Variants in ATP8B4 observed in about 807,000 individuals in gnomAD.
ATP8B4 encodes the protein probable phospholipid-transporting ATPase IM.
A neutral mutation model predicts 145.6 loss-of-function variants in ATP8B4; 133 were observed. That is an observed-to-expected ratio of 0.91 (90% CI 0.79 to 1.05). The LOEUF (loss-of-function observed/expected upper bound fraction) is 1.05, where lower values mean the gene tolerates loss of function less well. Among genes scored for constraint, ATP8B4 ranks in the 50% least tolerant of loss-of-function variants. The pLI is 0.00. For synonymous variants in ATP8B4, 507 were observed against 492.9 expected (o/e 1.03, Z -0.38); for missense variants, 1,458 against 1,425.2 (o/e 1.02, Z -0.37).
chr15:50,057,208 G>A (rs1235535806), intron 3 of ATP8B4, among the ~76,000 whole-genome samples: 2 of 152,112 alleles, frequency 1.3e-5, no homozygotes, highest in Non-Finnish European at 2.9e-5. Context: ...GTCATACAGT[G>A]ACACCAGATA....
intron 1 of ATP8B4, among the ~76,000 whole-genome samples, chr15:50,143,793 AC>A (rs2153680083): frequency 6.6e-6 from 1 of 152,326 alleles, no homozygotes; most frequent in African/African-American, 2.4e-5. Context: ...GATTAAAGGT[AC>A]CATGTTATAT....
At chr15:50,180,828 G>A (rs552785183) in intron 1 of ATP8B4, among the ~76,000 whole-genome samples, 6 of 152,248 alleles carry the variant, frequency 3.9e-5, no homozygotes, top group East Asian at 3.9e-4. Context: ...GGTTGCTTGC[G>A]CAGTTACTAG....
chr15:49,956,207 T>C (rs1462569538), intron 14 of ATP8B4, among the ~76,000 whole-genome samples: 5 of 152,146 alleles, frequency 3.3e-5, no homozygotes, highest in African/African-American at 1.2e-4. Flanking sequence ...GTTTGACAGA[T>C]GATTTGTCTT....
intron 16 of ATP8B4, among the ~76,000 whole-genome samples, chr15:49,925,540 TG>T (rs1567004419): frequency 6.6e-6 from 1 of 152,206 alleles, no homozygotes; most frequent in Non-Finnish European, 1.5e-5. Context: ...TTAGAATCAC[TG>T]GTCTGGAAGA....
At chr15:49,930,473 G>A (rs1287342753) in intron 16 of ATP8B4, among the ~76,000 whole-genome samples, 1 of 152,070 alleles carries the variant, frequency 6.6e-6, no homozygotes, top group Non-Finnish European at 1.5e-5. Flanking sequence ...CATTGAGTCA[G>A]GAAAGCACAG....
chr15:50,170,435 T>C (rs1270452065), intron 1 of ATP8B4, among the ~76,000 whole-genome samples: 3 of 151,858 alleles, frequency 2.0e-5, no homozygotes, highest in South Asian at 2.1e-4. Flanking sequence ...GCATCATATA[T>C]GAAGGAAAGA....
chr15:50,015,869 C>T (rs2049051731), intron 6 of ATP8B4, among the ~76,000 whole-genome samples: 1 of 152,156 alleles, frequency 6.6e-6, no homozygotes, highest in Non-Finnish European at 1.5e-5. Flanking sequence ...TAGCAAAATG[C>T]TTATGCTGAG....
intron 6 of ATP8B4, among the ~76,000 whole-genome samples, chr15:50,027,020 GCTCTCCCCACCCT>G (rs1167697186): frequency 6.6e-6 from 1 of 152,020 alleles, no homozygotes; most frequent in Non-Finnish European, 1.5e-5. Flanking sequence ...GTTCTCCAAT[GCTCTCCCCACCCT>G]CTCACCCCAC....
intron 2 of ATP8B4, among the ~76,000 whole-genome samples, chr15:50,090,360 TAAATA>T (rs1013801393): frequency 5.3e-5 from 8 of 152,118 alleles, no homozygotes; most frequent in Non-Finnish European, 8.8e-5. Context: ...TCCCAGAACT[TAAATA>T]AAATAAAATA....
intron 21 of ATP8B4, among the ~76,000 whole-genome samples, chr15:49,900,036 T>C (rs1438422656): frequency 6.6e-6 from 1 of 152,192 alleles, no homozygotes; most frequent in African/African-American, 2.4e-5. Context: ...TCCCTTTCCA[T>C]ATTGTGGTCT....
At chr15:49,956,068 CA>C (rs2043531717) in intron 14 of ATP8B4, among the ~76,000 whole-genome samples, 1 of 152,002 alleles carries the variant, frequency 6.6e-6, no homozygotes. Flanking sequence ...GGAAAAGATT[CA>C]ATAGTAAATA....
At chr15:50,018,942 CT>C in intron 6 of ATP8B4, 1 of 1,261,354 alleles carries the variant, frequency 7.9e-7, no homozygotes, top group Non-Finnish European at 1.0e-6. Context: ...AGAGTACTTC[CT>C]GTCATTAAAC....
rs375006175 is a variant in ATP8B4, at chr15:50,142,076, A to G, written c.-42-35068T>C. Among the ~76,000 whole-genome samples the G allele has an allele frequency of 2.7e-3, 413 of 151,706 alleles. 1 individual carries two copies. The highest frequency in any genetic ancestry group is 9.4e-3 in the African/African-American group (390 of 41,338). ...AAGTGGACAGAATGTACAAAGGCAGAGAAGTTGCATGGTGTGTTCAGGGAA... is the reference window on the plus strand; with the variant it reads ...AAGTGGACAGAATGTACAAAGGCAGGGAAGTTGCATGGTGTGTTCAGGGAA... On this transcript the variant is annotated intron_variant, in intron 1 of 3. Coordinates refer to the ATP8B4 transcript ENST00000558829.
chr15:50,062,709 T>C (rs1289153840), intron 3 of ATP8B4, among the ~76,000 whole-genome samples: 1 of 152,166 alleles, frequency 6.6e-6, no homozygotes, highest in Non-Finnish European at 1.5e-5. Flanking sequence ...TTAGCACAAA[T>C]ATAGATTTTT....
chr15:50,006,907 T>C (rs916885525), intron 7 of ATP8B4, among the ~76,000 whole-genome samples: 35 of 152,110 alleles, frequency 2.3e-4, no homozygotes, highest in African/African-American at 8.4e-4. Flanking sequence ...CGAGTTCCGG[T>C]GGTATCAGGA....
At chr15:50,130,047 C>G (rs894448705) in intron 1 of ATP8B4, among the ~76,000 whole-genome samples, 6 of 152,000 alleles carry the variant, frequency 3.9e-5, no homozygotes, top group African/African-American at 1.2e-4. Context: ...GAGGTCTCCA[C>G]CACTTGGCCA....
chr15:49,972,652 G>T lies in ATP8B4; in HGVS notation c.1173C>A (p.Ser391=). The part of the protein sequence containing the change: ...EELGQIEYIF[S]DKTGTLTQNI... ...TTTGAGTGAGGGTACCCGTTTTGTC[G>T]GAGAAAATGTACTCAATCTGCCCCA... is the stretch of plus-strand genomic sequence containing the variant. The change falls in exon 13 of 28, where the codon TCC becomes TCA. Residue 391 remains serine, a synonymous_variant. Transcript: ENST00000284509. 1 of 1,613,852 alleles carries T rather than the reference G, an allele frequency of 6.2e-7. No homozygotes were observed. The highest frequency in any genetic ancestry group is 8.5e-7 in the Non-Finnish European group (1 of 1,179,974).
intron 1 of ATP8B4, among the ~76,000 whole-genome samples, chr15:50,160,534 G>A (rs532647729): frequency 4.0e-5 from 6 of 149,156 alleles, no homozygotes; most frequent in South Asian, 4.3e-4. Context: ...CTTGCTTCTC[G>A]GTGCTGCTTT....
chr15:49,928,498 C>T (rs1245159122), intron 16 of ATP8B4, among the ~76,000 whole-genome samples: 1 of 152,030 alleles, frequency 6.6e-6, no homozygotes, highest in Non-Finnish European at 1.5e-5. Flanking sequence ...AATAATTTTG[C>T]ACGTCATACT....
Sources: allele counts gnomAD v4.1 joint callset (sites outside exome capture counted in the v4.1 genomes callset), GRCh38; gene constraint gnomAD v4.1.1; transcripts MANE v1.5; gene names NCBI Gene and HGNC (gene_info 2026-07-23, HGNC 2026-07-21).